HPS1: variants seen among roughly 807,000 people sequenced by gnomAD.
HPS1 encodes the protein HPS1 biogenesis of lysosomal organelles complex 3 subunit 1.
A neutral mutation model predicts 90.6 loss-of-function variants in HPS1; 59 were observed. That is an observed-to-expected ratio of 0.65 (90% CI 0.53 to 0.81). The LOEUF (loss-of-function observed/expected upper bound fraction) is 0.81, where lower values mean the gene tolerates loss of function less well. Ranked by LOEUF, HPS1 falls within the 30% of genes least tolerant of loss-of-function variation. The probability of loss-of-function intolerance (pLI) is 0.00; values close to 1 mark genes in which losing one functional copy is unlikely to be tolerated. For synonymous variants in HPS1, 388 were observed against 384.4 expected (o/e 1.01, Z -0.11); for missense variants, 849 against 896.7 (o/e 0.95, Z 0.68).
chr10:98,432,821 G>C (rs189287581), intron 6 of HPS1, among the ~76,000 whole-genome samples: 257 of 152,214 alleles, frequency 1.7e-3, no homozygotes, highest in African/African-American at 6.0e-3. Flanking sequence ...TTCCATATCT[G>C]ATTTTCTTCA....
downstream of HPS1, chr10:98,415,251 C>G (rs1311073974): frequency 3.8e-6 from 5 of 1,326,710 alleles, no homozygotes; most frequent in Non-Finnish European, 5.1e-6. Context: ...CTGCAGTCCC[C>G]CTCCAGGCCC....
chr10:98,439,294 C>G (rs1937982167), intron 3 of HPS1, among the ~76,000 whole-genome samples: 1 of 152,178 alleles, frequency 6.6e-6, no homozygotes, highest in Non-Finnish European at 1.5e-5. Flanking sequence ...GATCCACCGA[C>G]AGCTTGCACC....
chr10:98,435,223 A>T lies in HPS1; in HGVS notation c.398+49T>A. On this transcript the variant is annotated intron_variant, in intron 5 of 19. Coordinates refer to ENST00000361490, the MANE Select transcript of HPS1 (RefSeq NM_000195.5). This position sits in a 1 kb window ranked among gnomAD's most constrained non-coding sequence, Gnocchi z 4.3. ...GGGCTGGGCACACGCTGCCTGGCCCAGCGAGGGTGCTCGGCAAAGGACAGA... is the reference window on the plus strand; with the variant it reads ...GGGCTGGGCACACGCTGCCTGGCCCTGCGAGGGTGCTCGGCAAAGGACAGA... The T allele has an allele frequency of 6.2e-7, 1 of 1,612,694 alleles. No homozygotes were observed. The highest frequency in any genetic ancestry group is 8.5e-7 in the Non-Finnish European group (1 of 1,179,542).
rs181530013 is a variant in HPS1 at position 98,416,459 on chromosome 10, G to A, written c.*1105C>T. The A allele has an allele frequency of 1.3e-5, 2 of 152,402 alleles. No individual in the cohort carries two copies. Among genetic ancestry groups the A allele is most frequent in the Admixed American group, 1.3e-4 (2 of 15,290 alleles). The allele number at this position is 152,402 out of a possible 1,614,324, so 9.4% of individuals were successfully genotyped here. ...GGAACACAGATCCAGTCACCTGAGG[G>A]GATACTTCCTCACTGCCACCTTCTC... On this transcript the variant is annotated 3_prime_UTR_variant, in exon 20 of 20. Coordinates refer to ENST00000361490, the MANE Select transcript of HPS1 (RefSeq NM_000195.5).
rs770383183 is a variant in HPS1, at chr10:98,431,099, T to C, written c.668+32A>G. 8 of 1,612,268 alleles carry C rather than the reference T, an allele frequency of 5.0e-6. No individual in the cohort carries two copies. The Admixed American group carries it at 1.0e-4, about 20-fold the overall frequency. On this transcript the variant is annotated intron_variant, in intron 7 of 19. Transcript: ENST00000361490. ...AGGGGAGTGAGAAGGCCAGGGAGCC[T>C]TTAGCCACCACATGCCAGACCTTGA...
rs571030407 is a variant in HPS1, at chr10:98,442,585, A to G, written c.117+539T>C. 4.2e-5 allele frequency: 7 copies of G among 165,056 alleles called. No individual in the cohort carries two copies. In the South Asian group the frequency reaches 1.0e-3, roughly 25 times the overall value. The allele number at this position is 165,056 out of a possible 1,614,324, so 10.2% of individuals were successfully genotyped here. A position where few individuals can be genotyped will look rare whatever the true frequency, so the allele number is the denominator to read the frequency against. ...CATGGGCACAGTCTCGGCTCACTGCAGCCTCTACCACCTGGACTCAAGTGA... is the reference window on the plus strand; with the variant it reads ...CATGGGCACAGTCTCGGCTCACTGCGGCCTCTACCACCTGGACTCAAGTGA... On this transcript the variant is annotated intron_variant, in intron 3 of 19. Coordinates refer to ENST00000361490, the MANE Select transcript of HPS1 (RefSeq NM_000195.5).
chr10:98,444,107 T>C (rs1268591167), intron 2 of HPS1, among the ~76,000 whole-genome samples: 7 of 151,998 alleles, frequency 4.6e-5, no homozygotes, highest in East Asian at 3.9e-4. Context: ...AGCCCCTGAA[T>C]TTACTTCAGC....
chr10:98,423,970 C>T, intron 14 of HPS1, 83 bp from the exon 15 acceptor site: 3 of 1,556,302 alleles, frequency 1.9e-6, no homozygotes, highest in Non-Finnish European at 2.6e-6. Flanking sequence ...GTTCCTGCAC[C>T]CAGGACAGAC....
rs768975848 is a variant in HPS1 at position 98,435,687 on chromosome 10, G to A, written c.203C>T (p.Thr68Ile). The change falls in exon 4 of 20, where the codon ACC becomes ATC. Residue 68 changes from threonine to isoleucine, a missense_variant. Physicochemically the swap from Thr to Ile is moderately conservative, Grantham distance 89. Transcript: ENST00000361490. The surrounding 1 kb of genome is among the most constrained non-coding windows in gnomAD (Gnocchi z 4.3). Reference protein sequence around the residue: ...SMTMLEKLSDTYTCFSTENGN... With the variant: ...SMTMLEKLSDIYTCFSTENGN... ...ATTTTCCGTGGAGAAGCAGGTGTAG[G>A]TGTCCGAGAGCTTCTCCAGCATCGT... 12 of 1,613,846 alleles carry A rather than the reference G, an allele frequency of 7.4e-6. No individual in the cohort carries two copies. In the East Asian group the frequency reaches 2.5e-4, roughly 33 times the overall value.
At chr10:98,423,303 C>A (rs190869970) in intron 16 of HPS1, among the ~76,000 whole-genome samples, 1 of 150,452 alleles carries the variant, frequency 6.6e-6, no homozygotes, top group East Asian at 2.0e-4. Context: ...CCCCACCCCT[C>A]GTGGAATACC....
Position 98,427,269 on chromosome 10 carries a change from A to G in HPS1, c.938-5T>C. ...CCTCCAGCCAGATGGTGCTACCTGC[A>G]GGCCACAGGTAATAACATAACGATG... is the stretch of plus-strand genomic sequence containing the variant. On this transcript the variant is annotated splice_region_variant and splice_polypyrimidine_tract_variant and intron_variant, in intron 10 of 19. Coordinates refer to ENST00000361490, the MANE Select transcript of HPS1 (RefSeq NM_000195.5). 3.9e-6 allele frequency: 6 copies of G among 1,550,012 alleles called. No homozygotes were observed. The highest frequency in any genetic ancestry group is 5.2e-6 in the Non-Finnish European group (6 of 1,145,622).
intron 17 of HPS1, chr10:98,420,385 AG>A (rs1844700208): frequency 1.6e-5 from 8 of 509,660 alleles, no homozygotes; most frequent in Non-Finnish European, 2.5e-5. Context: ...TATGTAAAAA[AG>A]CTTTGTGTAA....
At chr10:98,421,993 C>G (rs1295621616) in intron 17 of HPS1, among the ~76,000 whole-genome samples, 1 of 149,910 alleles carries the variant, frequency 6.7e-6, no homozygotes, top group Admixed American at 6.6e-5. Flanking sequence ...CACACACACA[C>G]ACACACACAC....
At chr10:98,419,359 AAG>A (rs1339454125) in intron 18 of HPS1, among the ~76,000 whole-genome samples, 1 of 152,092 alleles carries the variant, frequency 6.6e-6, no homozygotes, top group African/African-American at 2.4e-5. Flanking sequence ...ATGCAAATAA[AAG>A]AGAAACAGGA....
chr10:98,438,975 T>C (rs116230211), intron 3 of HPS1, among the ~76,000 whole-genome samples: 2,581 of 152,296 alleles, frequency 0.017, 73 homozygotes, highest in African/African-American at 0.06. Context: ...TGCCAACATA[T>C]AGCTCTGGCT....
At chr10:98,438,815 AG>A (rs1178046408) in intron 3 of HPS1, among the ~76,000 whole-genome samples, 4 of 152,214 alleles carry the variant, frequency 2.6e-5, no homozygotes, top group Non-Finnish European at 5.9e-5. Flanking sequence ...AAATGTCTCC[AG>A]GGCCTGTCAG....
chr10:98,435,305 A>T lies in HPS1; in HGVS notation c.365T>A (p.Leu122Gln). The T allele has an allele frequency of 6.2e-7, 1 of 1,614,036 alleles. No homozygotes were observed. ...LKYLFEVHFG[L>Q]VTVDGHLIRK... ...GATAAGATGACCGTCCACAGTCACC[A>T]GCCCAAAGTGCACTTCAAACAGGTA... Residue 122 changes from leucine to glutamine, a missense_variant, in exon 5 of 20, where the codon CTG (leucine) becomes CAG (glutamine). Transcript: ENST00000361490. This position sits in a 1 kb window ranked among gnomAD's most constrained non-coding sequence, Gnocchi z 4.3.
intron 11 of HPS1, 142 bp downstream of exon 11, chr10:98,427,073 C>T (rs1259082161): frequency 5.8e-6 from 4 of 688,310 alleles, no homozygotes; most frequent in Non-Finnish European, 7.6e-6. Flanking sequence ...AGGACAGGCA[C>T]CTGCACTGAC....
intron 16 of HPS1, among the ~76,000 whole-genome samples, chr10:98,423,190 C>A (rs1029505594): frequency 1.3e-5 from 2 of 152,026 alleles, no homozygotes; most frequent in Non-Finnish European, 2.9e-5. Context: ...AAACATTTGC[C>A]GTAGGCCTTC....
Sources: allele counts gnomAD v4.1 joint callset (sites outside exome capture counted in the v4.1 genomes callset), GRCh38; gene constraint gnomAD v4.1.1; non-coding constraint Gnocchi (gnomAD v3.1); transcripts MANE v1.5; gene names NCBI Gene and HGNC (gene_info 2026-07-23, HGNC 2026-07-21).